Variants in POFUT3 observed in about 807,000 individuals in gnomAD.
POFUT3 encodes GDP-fucose protein O-fucosyltransferase 3.
the POFUT3 span, among the ~76,000 whole-genome samples, chr8:33,444,489 C>A: frequency 6.6e-6 from 1 of 151,874 alleles, no homozygotes; most frequent in Non-Finnish European, 1.5e-5. Context: ...TGAGAGAACC[C>A]CCAGGCTGGA....
At chr8:33,438,086 GTTTTTATACCCA>G in the POFUT3 span, among the ~76,000 whole-genome samples, 1 of 152,140 alleles carries the variant, frequency 6.6e-6, no homozygotes, top group Non-Finnish European at 1.5e-5. Context: ...ATTTACTGAC[GTTTTTATACCCA>G]TTAGGAAGGA....
the POFUT3 span, among the ~76,000 whole-genome samples, chr8:33,431,888 A>C: frequency 6.6e-6 from 1 of 152,206 alleles, no homozygotes; most frequent in Non-Finnish European, 1.5e-5. Flanking sequence ...AAATATTAGC[A>C]GTGGAAACCA....
the POFUT3 span, among the ~76,000 whole-genome samples, chr8:33,335,593 C>T: frequency 6.6e-6 from 1 of 152,064 alleles, no homozygotes; most frequent in Non-Finnish European, 1.5e-5. Flanking sequence ...GTTAGGGGTG[C>T]CAAACCTGGG....
chr8:33,394,878 AG>A, the POFUT3 span, among the ~76,000 whole-genome samples: 2 of 152,216 alleles, frequency 1.3e-5, no homozygotes, highest in Non-Finnish European at 2.9e-5. Context: ...CCAAGATTAC[AG>A]TACTCTCAGC....
the POFUT3 span, among the ~76,000 whole-genome samples, chr8:33,384,648 C>T: frequency 3.3e-5 from 5 of 152,030 alleles, no homozygotes; most frequent in South Asian, 6.2e-4. Context: ...GGTGAAACCC[C>T]GTCTCTACTA....
chr8:33,446,617 G>A, the POFUT3 span, among the ~76,000 whole-genome samples: 4 of 152,228 alleles, frequency 2.6e-5, no homozygotes, highest in South Asian at 4.2e-4. Flanking sequence ...AGTGTTTACT[G>A]TAATTCTAAG....
At chr8:33,322,943 C>CTT in the POFUT3 span, among the ~76,000 whole-genome samples, 1 of 146,750 alleles carries the variant, frequency 6.8e-6, no homozygotes, top group Non-Finnish European at 1.5e-5. Context: ...ATAAGTGGAG[C>CTT]TTTTTTTTTT....
chr8:33,340,331 C>G, the POFUT3 span, among the ~76,000 whole-genome samples: 7 of 149,106 alleles, frequency 4.7e-5, no homozygotes, highest in African/African-American at 7.4e-5. Flanking sequence ...AGAAATGTAC[C>G]ACTGTGGTGT....
the POFUT3 span, among the ~76,000 whole-genome samples, chr8:33,418,044 G>T: frequency 4.6e-5 from 7 of 152,256 alleles, no homozygotes; most frequent in Admixed American, 3.9e-4. Context: ...GCTCACACCG[G>T]GGTCCAACCC....
chr8:33,389,865 G>T, the POFUT3 span: 1 of 1,134,632 alleles, frequency 8.8e-7, no homozygotes, highest in Non-Finnish European at 1.3e-6. Context: ...GGTCTACCTG[G>T]TAAGATTAGA....
chr8:33,383,058 C>T, the POFUT3 span, among the ~76,000 whole-genome samples: 1 of 152,200 alleles, frequency 6.6e-6, no homozygotes, highest in South Asian at 2.1e-4. Flanking sequence ...ATTTTCTCCC[C>T]TTCCTTACCT....
chr8:33,354,636 A>C, the POFUT3 span, among the ~76,000 whole-genome samples: 1 of 152,176 alleles, frequency 6.6e-6, no homozygotes, highest in Non-Finnish European at 1.5e-5. Context: ...ACACTCTCAC[A>C]GACACACCCA....
At chr8:33,420,085 C>T in the POFUT3 span, among the ~76,000 whole-genome samples, 3 of 152,050 alleles carry the variant, frequency 2.0e-5, no homozygotes, top group African/African-American at 4.8e-5. Context: ...GCCATGATCA[C>T]GCCACTGTAC....
chr8:33,312,541 T>C, the POFUT3 span, among the ~76,000 whole-genome samples: 2 of 152,112 alleles, frequency 1.3e-5, no homozygotes, highest in African/African-American at 2.4e-5. Flanking sequence ...ACTAACAACT[T>C]ACATGAGATT....
the POFUT3 span, among the ~76,000 whole-genome samples, chr8:33,448,842 G>A: frequency 2.3e-3 from 351 of 152,046 alleles, 1 homozygote; most frequent in African/African-American, 7.4e-3. Flanking sequence ...ACTGAGGCAG[G>A]AGAATCGCCT....
the POFUT3 span, among the ~76,000 whole-genome samples, chr8:33,417,065 A>G: frequency 6.6e-6 from 1 of 151,720 alleles, no homozygotes; most frequent in East Asian, 1.9e-4. Context: ...ATTTACAGCC[A>G]CTCCCCAGCG....
At chr8:33,385,381 G>A in the POFUT3 span, among the ~76,000 whole-genome samples, 43 of 152,282 alleles carry the variant, frequency 2.8e-4, no homozygotes, top group Middle Eastern at 3.4e-3. Flanking sequence ...TGTACTGGTC[G>A]TGGTAATGGA....
the POFUT3 span, among the ~76,000 whole-genome samples, chr8:33,396,861 T>C: frequency 3.9e-5 from 6 of 152,224 alleles, no homozygotes; most frequent in Admixed American, 6.5e-5. Context: ...CTCTCCACTG[T>C]GTTCTTGACA....
chr8:33,386,341 G>C, the POFUT3 span, among the ~76,000 whole-genome samples: 1 of 151,902 alleles, frequency 6.6e-6, no homozygotes, highest in South Asian at 2.1e-4. Context: ...AATCATCTTC[G>C]CTGACCACCT....
Sources: allele counts gnomAD v4.1 joint callset (sites outside exome capture counted in the v4.1 genomes callset), GRCh38; gene constraint gnomAD v4.1.1; transcripts MANE v1.5; gene names NCBI Gene and HGNC (gene_info 2026-07-23, HGNC 2026-07-21).